The following KCNQ5 variants were observed in gnomAD, a reference collection of about 807,000 sequenced individuals.
The protein encoded by KCNQ5 is potassium voltage-gated channel subfamily KQT member 5.
In KCNQ5, 30 loss-of-function variants were observed where a neutral mutation model predicts 98.2. That is an observed-to-expected ratio of 0.31 (90% confidence interval 0.23 to 0.41). The LOEUF (loss-of-function observed/expected upper bound fraction) is 0.41, where lower values mean the gene tolerates loss of function less well. Ranked by LOEUF, KCNQ5 falls within the 10% of genes least tolerant of loss-of-function variation. The pLI, the probability that KCNQ5 is intolerant of heterozygous loss-of-function variation, is 1.00. For synonymous variants in KCNQ5, 458 were observed against 449.4 expected, an observed-to-expected ratio of 1.02 and a Z score of -0.24; for missense variants, 835 against 1,182.5, an observed-to-expected ratio of 0.71 and a Z score of 4.31.
chr6:72,674,047 A>C (rs543130093), intron 1 of KCNQ5, among the ~76,000 whole-genome samples: 52 of 152,040 alleles, frequency 3.4e-4, no homozygotes, highest in South Asian at 6.2e-4. Context: ...TTATATTATA[A>C]TAAAAAATTG....
chr6:73,154,545 G>A (rs906803344), intron 10 of KCNQ5, among the ~76,000 whole-genome samples: 4 of 151,898 alleles, frequency 2.6e-5, no homozygotes, highest in Non-Finnish European at 5.9e-5. Flanking sequence ...TACAGTGAGA[G>A]AGAGAGAGAG....
intron 1 of KCNQ5, among the ~76,000 whole-genome samples, chr6:72,836,570 C>T (rs902058791): frequency 5.9e-5 from 9 of 152,054 alleles, no homozygotes; most frequent in Admixed American, 2.0e-4. Flanking sequence ...TCCCAAGTAG[C>T]TGGGACTACA....
chr6:73,138,352 G>A (rs545509482), intron 10 of KCNQ5, among the ~76,000 whole-genome samples: 86 of 152,298 alleles, frequency 5.6e-4, no homozygotes, highest in African/African-American at 1.6e-3. Flanking sequence ...TCGGATTTCT[G>A]GTGACTAGTT....
chr6:72,806,882 A>G, intron 1 of KCNQ5: 1 of 434,518 alleles, frequency 2.3e-6, no homozygotes, highest in Non-Finnish European at 4.5e-6. Context: ...CCATATGAGA[A>G]TAAGATCGAC....
At chr6:72,632,138 C>CTTTTTTT (rs71540354) in intron 1 of KCNQ5, among the ~76,000 whole-genome samples, 4 of 127,670 alleles carry the variant, frequency 3.1e-5, no homozygotes, top group Non-Finnish European at 3.2e-5. Flanking sequence ...TTCTTTCTTT[C>CTTTTTTT]TTTTTTTTTT....
intron 1 of KCNQ5, among the ~76,000 whole-genome samples, chr6:72,905,411 G>A (rs1356577415): frequency 6.6e-6 from 1 of 152,062 alleles, no homozygotes; most frequent in African/African-American, 2.4e-5. Context: ...GTCCGTTGCT[G>A]GTGAGCTAGT....
At chr6:73,013,365 C>T (rs1050877854) in intron 2 of KCNQ5, among the ~76,000 whole-genome samples, 18 of 152,056 alleles carry the variant, frequency 1.2e-4, no homozygotes, top group African/African-American at 4.1e-4. Context: ...AGGAATAACT[C>T]CAGATCTGAT....
intron 1 of KCNQ5, among the ~76,000 whole-genome samples, chr6:72,872,038 A>G (rs545819374): frequency 1.4e-4 from 21 of 152,362 alleles, no homozygotes; most frequent in African/African-American, 4.8e-4. Flanking sequence ...CTAGGTGTCC[A>G]GGAAATTATG....
chr6:72,979,935 T>C (rs1048500593), intron 1 of KCNQ5, among the ~76,000 whole-genome samples: 2 of 152,086 alleles, frequency 1.3e-5, no homozygotes, highest in African/African-American at 4.8e-5. Context: ...AATAGGGAAT[T>C]CTTTCCCCAT....
chr6:72,857,470 G>A (rs550542275), intron 1 of KCNQ5, among the ~76,000 whole-genome samples: 11 of 151,878 alleles, frequency 7.2e-5, no homozygotes, highest in Admixed American at 3.3e-4. Context: ...TTCTAATGTC[G>A]GTATATTTTA....
chr6:72,872,818 A>C (rs1209342475), intron 1 of KCNQ5, among the ~76,000 whole-genome samples: 1 of 152,146 alleles, frequency 6.6e-6, no homozygotes, highest in Non-Finnish European at 1.5e-5. Context: ...AGAGTATTCA[A>C]ATTATGAATA....
intron 1 of KCNQ5, among the ~76,000 whole-genome samples, chr6:72,629,312 T>C (rs1327008948): frequency 6.6e-6 from 1 of 152,212 alleles, no homozygotes; most frequent in African/African-American, 2.4e-5. Context: ...CTTTAAAAAA[T>C]CACTGATTTC....
chr6:72,825,314 G>A (rs2840803), intron 1 of KCNQ5, among the ~76,000 whole-genome samples: 100,514 of 151,968 alleles, frequency 0.66, 34,611 homozygotes, highest in Non-Finnish European at 0.77. Flanking sequence ...ACTTTGGGTT[G>A]TGCTGCACTG....
intron 3 of KCNQ5, among the ~76,000 whole-genome samples, chr6:73,063,670 TAGATAGATAGATAGA>T (rs1562155948): frequency 1.3e-5 from 1 of 79,622 alleles, no homozygotes; most frequent in African/African-American, 4.0e-5. Context: ...AGATAGATGA[TAGATAGATAGATAGA>T]TGATAGATAG....
chr6:73,062,656 G>T (rs1772833755), intron 3 of KCNQ5, among the ~76,000 whole-genome samples: 1 of 152,016 alleles, frequency 6.6e-6, no homozygotes, highest in Admixed American at 6.6e-5. Flanking sequence ...GTTTTCAAAA[G>T]GATATTTTTT....
At chr6:72,846,353 A>C (rs2150137867) in intron 1 of KCNQ5, among the ~76,000 whole-genome samples, 1 of 152,276 alleles carries the variant, frequency 6.6e-6, no homozygotes, top group Non-Finnish European at 1.5e-5. Context: ...TACACAATGT[A>C]GCCTAATGGC....
At chr6:72,824,634 C>T (rs1405437109) in intron 1 of KCNQ5, among the ~76,000 whole-genome samples, 2 of 152,034 alleles carry the variant, frequency 1.3e-5, no homozygotes, top group Admixed American at 1.3e-4. Context: ...AGAAAAATAA[C>T]CTCAGAAGAG....
chr6:73,087,154 A>G (rs75735671), intron 5 of KCNQ5, among the ~76,000 whole-genome samples: 1,868 of 152,318 alleles, frequency 0.012, 38 homozygotes, highest in African/African-American at 0.042. Flanking sequence ...AGAAGGAACT[A>G]GAGGAAAGCA....
chr6:72,811,980 C>G (rs1357130416), intron 1 of KCNQ5, among the ~76,000 whole-genome samples: 1 of 152,108 alleles, frequency 6.6e-6, no homozygotes, highest in Non-Finnish European at 1.5e-5. Flanking sequence ...GGGCAATTCC[C>G]AGGACTGAGG....
Sources: allele counts gnomAD v4.1 joint callset (sites outside exome capture counted in the v4.1 genomes callset), GRCh38; gene constraint gnomAD v4.1.1; transcripts MANE v1.5; gene names NCBI Gene and HGNC (gene_info 2026-07-23, HGNC 2026-07-21).